Variants in CHD1L observed in about 807,000 individuals in gnomAD.
CHD1L encodes the protein chromodomain helicase DNA binding protein 1 like, also known as ATP-dependent chromatin remodeler CHD1L.
CHD1L carries 118 observed loss-of-function variants against 115.9 expected under a neutral mutation model. That is an observed-to-expected ratio of 1.02 (90% confidence interval 0.88 to 1.19). The LOEUF is 1.19. Ranked by LOEUF, CHD1L falls within the 50% of genes most tolerant of loss-of-function variation. The pLI, the probability that CHD1L is intolerant of heterozygous loss-of-function variation, is 0.00. For synonymous variants in CHD1L, 411 were observed against 387.1 expected (o/e 1.06, Z -0.72); for missense variants, 1,179 against 1,065.3 (o/e 1.11, Z -1.49).
intron 6 of CHD1L, among the ~76,000 whole-genome samples, chr1:147,261,934 G>A (rs1011542252): frequency 2.0e-5 from 3 of 151,522 alleles, no homozygotes; most frequent in Admixed American, 2.0e-4. Context: ...AGTGGCTCAC[G>A]CCTGTAATCC....
At chr1:147,176,260 A>T in the CHD1L span, 1 of 152,260 alleles carries the variant, frequency 6.6e-6, no homozygotes, top group South Asian at 2.1e-4. Flanking sequence ...AATAATAGTG[A>T]TTCTGCTCAC....
chr1:147,290,048 C>T (rs782579347), intron 19 of CHD1L, among the ~76,000 whole-genome samples: 12 of 152,112 alleles, frequency 7.9e-5, no homozygotes, highest in Non-Finnish European at 1.3e-4. Context: ...ATCAACCTAA[C>T]CAATAGACAG....
chr1:147,269,932 G>T (rs587758435), intron 10 of CHD1L, among the ~76,000 whole-genome samples: 1 of 152,146 alleles, frequency 6.6e-6, no homozygotes, highest in African/African-American at 2.4e-5. Context: ...GTATTTCATT[G>T]GTTCTCGTAT....
the CHD1L span, chr1:147,203,129 C>T: frequency 9.9e-6 from 2 of 202,306 alleles, no homozygotes; most frequent in Non-Finnish European, 8.5e-6. Flanking sequence ...TTTTTTTTGA[C>T]AGTAACAATA....
At chr1:147,276,699 T>C (rs1553958179) in intron 14 of CHD1L, among the ~76,000 whole-genome samples, 1 of 151,896 alleles carries the variant, frequency 6.6e-6, no homozygotes, top group Non-Finnish European at 1.5e-5. Context: ...TTAGAAAAAA[T>C]GGGTGAAAGA....
intron 14 of CHD1L, among the ~76,000 whole-genome samples, chr1:147,278,713 C>G (rs1679627749): frequency 1.3e-5 from 2 of 151,980 alleles, no homozygotes; most frequent in African/African-American, 2.4e-5. Context: ...ATACTGTGTG[C>G]TGAGTGTTGT....
chr1:147,224,901 C>A, the CHD1L span: 1 of 1,613,852 alleles, frequency 6.2e-7, no homozygotes, highest in Non-Finnish European at 8.5e-7. Context: ...GTACCTGGAA[C>A]CTCCAGAGCC....
chr1:147,272,137 G>T (rs1676480106), intron 11 of CHD1L, 34 bp from the exon 12 acceptor site: 9 of 1,570,016 alleles, frequency 5.7e-6, no homozygotes, highest in Non-Finnish European at 7.8e-6. Context: ...CTTGAAAAGG[G>T]TTAAGATTTC....
At chr1:147,253,470 A>G (rs1669059143) in intron 2 of CHD1L, among the ~76,000 whole-genome samples, 1 of 152,178 alleles carries the variant, frequency 6.6e-6, no homozygotes. Context: ...AAGCACTCTA[A>G]CCATAACCAT....
At chr1:147,178,661 G>A in the CHD1L span, 1 of 1,574,360 alleles carries the variant, frequency 6.4e-7, no homozygotes, top group East Asian at 2.2e-5. Context: ...GATAACTACC[G>A]ATTTGCACAT....
chr1:147,184,647 G>A, the CHD1L span: 44 of 1,526,128 alleles, frequency 2.9e-5, no homozygotes, highest in Non-Finnish European at 3.6e-5. The surrounding 1 kb of genome is among the most constrained non-coding windows in gnomAD (Gnocchi z 4.4). Context: ...TATGGTTTTT[G>A]AGAGGAATAC....
At chr1:147,190,190 C>T in the CHD1L span, 1 of 1,609,006 alleles carries the variant, frequency 6.2e-7, no homozygotes. Context: ...TTGTCAATTT[C>T]CTCTTGAGCT....
At chr1:147,294,361 C>G in intron 21 of CHD1L, 48 bp from the exon 22 acceptor site, 1 of 1,356,982 alleles carries the variant, frequency 7.4e-7, no homozygotes, top group Non-Finnish European at 1.0e-6. Flanking sequence ...TTATACCCAT[C>G]AATCAATTTT....
At chr1:147,235,016 G>A in the CHD1L span, among the ~76,000 whole-genome samples, 1 of 152,184 alleles carries the variant, frequency 6.6e-6, no homozygotes, top group East Asian at 1.9e-4. Flanking sequence ...TGGGGAGAAA[G>A]TGGATAGTTA....
At chr1:147,196,721 A>AT in the CHD1L span, among the ~76,000 whole-genome samples, 1 of 152,058 alleles carries the variant, frequency 6.6e-6, no homozygotes, top group Non-Finnish European at 1.5e-5. Context: ...TAGCTTTACC[A>AT]TATTTCTTAT....
chr1:147,268,995 T>A, intron 10 of CHD1L, 117 bp downstream of exon 10: 3 of 643,066 alleles, frequency 4.7e-6, no homozygotes, highest in Non-Finnish European at 8.0e-6. Flanking sequence ...TTAACACTGA[T>A]TCAGGTTCTG....
rs114458188 is a variant in CHD1L at position 147,254,520 on chromosome 1, G to C, written c.241-350G>C. Among the ~76,000 whole-genome samples, 994 of 152,284 alleles carry C rather than the reference G, an allele frequency of 6.5e-3. 13 individuals are homozygous for C. The highest frequency in any genetic ancestry group is 0.023 in the African/African-American group (952 of 41,542). On this transcript the variant is annotated intron_variant, in intron 2 of 22. Transcript: ENST00000369258. Reference sequence around the variant, plus strand: ...CATATCTTGGCACTTCTTGCTTAATGTTTTCAGAGTATCGCAGATCTTGGC... The same window carrying C: ...CATATCTTGGCACTTCTTGCTTAATCTTTTCAGAGTATCGCAGATCTTGGC...
At chr1:147,286,865 A>G (rs1189159203) in intron 18 of CHD1L, among the ~76,000 whole-genome samples, 2 of 152,202 alleles carry the variant, frequency 1.3e-5, no homozygotes, top group African/African-American at 4.8e-5. Flanking sequence ...TGTACTTTTT[A>G]CTTCATCTGC....
At chr1:147,179,622 C>A in the CHD1L span, 2 of 1,545,760 alleles carry the variant, frequency 1.3e-6, no homozygotes, top group South Asian at 1.1e-5. Flanking sequence ...ACAGGAGGAT[C>A]TCTAAAGCAG....
Sources: allele counts gnomAD v4.1 joint callset (sites outside exome capture counted in the v4.1 genomes callset), GRCh38; gene constraint gnomAD v4.1.1; non-coding constraint Gnocchi (gnomAD v3.1); transcripts MANE v1.5; gene names NCBI Gene and HGNC (gene_info 2026-07-23, HGNC 2026-07-21).